Variants in GPR176 observed in about 807,000 individuals in gnomAD.
GPR176 encodes G protein-coupled receptor 176.
A neutral mutation model predicts 35.4 loss-of-function variants in GPR176; 26 were observed. The ratio of observed to expected loss-of-function variants is 0.74; its 90% CI spans 0.54 to 1.02. GPR176 has a LOEUF of 1.02. Among genes scored for constraint, GPR176 ranks in the 50% least tolerant of loss-of-function variants. The pLI, the probability that GPR176 is intolerant of heterozygous loss-of-function variation, is 0.00. For missense variants in GPR176, 597 were observed against 665.3 expected, an observed-to-expected ratio of 0.90 and a Z score of 1.13; for synonymous variants, 278 against 271.3, an observed-to-expected ratio of 1.02 and a Z score of -0.24.
At chr15:39,876,523 T>C (rs900127495) in intron 1 of GPR176, among the ~76,000 whole-genome samples, 1 of 152,092 alleles carries the variant, frequency 6.6e-6, no homozygotes, top group Non-Finnish European at 1.5e-5. Flanking sequence ...GGATATAATG[T>C]TAATGATGTT....
chr15:39,832,801 G>T (rs1227641848), intron 1 of GPR176, among the ~76,000 whole-genome samples: 1 of 152,124 alleles, frequency 6.6e-6, no homozygotes, highest in Non-Finnish European at 1.5e-5. Context: ...GTTTTAGAGG[G>T]TGTCCCTGTT....
intron 1 of GPR176, among the ~76,000 whole-genome samples, chr15:39,851,823 CTT>C (rs752845762): frequency 4.5e-4 from 68 of 152,170 alleles, no homozygotes; most frequent in Non-Finnish European, 6.9e-4. Context: ...CCAGTCATCT[CTT>C]TTGTCTGAGA....
chr15:39,908,023 T>C (rs1056097308), intron 1 of GPR176, among the ~76,000 whole-genome samples: 7 of 152,104 alleles, frequency 4.6e-5, no homozygotes, highest in African/African-American at 1.4e-4. Context: ...AAAATAGATG[T>C]TTAAATAAGA....
intron 1 of GPR176, among the ~76,000 whole-genome samples, chr15:39,857,783 A>G (rs2031323492): frequency 6.6e-6 from 1 of 151,804 alleles, no homozygotes; most frequent in African/African-American, 2.4e-5. Context: ...CCTGCCTAAC[A>G]TGGTGAAACC....
intron 1 of GPR176, among the ~76,000 whole-genome samples, chr15:39,907,204 TAA>T (rs2033446871): frequency 6.6e-6 from 1 of 152,186 alleles, no homozygotes; most frequent in African/African-American, 2.4e-5. Context: ...TAAAGAAACA[TAA>T]AAATAGTTTA....
At chr15:39,919,206 G>C (rs1026214200) in intron 1 of GPR176, among the ~76,000 whole-genome samples, 56 of 151,314 alleles carry the variant, frequency 3.7e-4, no homozygotes, top group African/African-American at 1.3e-3. Context: ...AATCTGGGAT[G>C]TGTGTGTGTG....
In GPR176 at chr15:39,801,636, G is replaced by A. The variant is rs776653222; in HGVS notation, c.1044C>T (p.Val348=). The change falls in exon 3 of 3, where the codon GTC becomes GTT. Residue 348 remains valine (V), a synonymous_variant. Coordinates refer to ENST00000561100, the MANE Select transcript of GPR176 (RefSeq NM_007223.3). ...CCTCAGCCATGCCACTCCCTGTACT[G>A]ACCACATTACGGCGACTGTACCGGT... is the stretch of plus-strand genomic sequence containing the variant. The part of the protein sequence containing the change: ...LHHRYSRRNV[V]STGSGMAEAS... 2 of 1,614,040 alleles carry A rather than the reference G, an allele frequency of 1.2e-6. No individual in the cohort carries two copies. Among genetic ancestry groups the A allele is most frequent in the South Asian group, 2.2e-5 (2 of 91,066 alleles).
intron 1 of GPR176, among the ~76,000 whole-genome samples, chr15:39,889,865 G>A (rs2032809365): frequency 6.6e-6 from 1 of 152,108 alleles, no homozygotes; most frequent in Non-Finnish European, 1.5e-5. Context: ...AGAAAAGCTA[G>A]TCTCAGCATC....
chr15:39,879,567 T>G (rs1420782955), intron 1 of GPR176, among the ~76,000 whole-genome samples: 1 of 152,122 alleles, frequency 6.6e-6, no homozygotes, highest in Non-Finnish European at 1.5e-5. Context: ...CTTACTCCCC[T>G]TTCCTCTCTA....
At chr15:39,914,192 T>C (rs1255394172) in intron 1 of GPR176, among the ~76,000 whole-genome samples, 1 of 152,080 alleles carries the variant, frequency 6.6e-6, no homozygotes, top group Non-Finnish European at 1.5e-5. Flanking sequence ...TTCTATCATA[T>C]AGACATCATA....
chr15:39,850,547 G>A (rs2030788039), intron 1 of GPR176, among the ~76,000 whole-genome samples: 1 of 152,178 alleles, frequency 6.6e-6, no homozygotes. Flanking sequence ...GTGGTTGCTA[G>A]GGGTTAAGGA....
intron 1 of GPR176, among the ~76,000 whole-genome samples, chr15:39,818,270 A>G (rs1900047519): frequency 6.6e-6 from 1 of 152,254 alleles, no homozygotes; most frequent in Admixed American, 6.5e-5. Flanking sequence ...ATGTTATTTT[A>G]GCTACAATTA....
At chr15:39,811,805 A>G (rs982242000) in intron 1 of GPR176, among the ~76,000 whole-genome samples, 7 of 151,848 alleles carry the variant, frequency 4.6e-5, no homozygotes, top group Non-Finnish European at 7.4e-5. Flanking sequence ...AGTCCCAGCT[A>G]CTCAGCAGGC....
chr15:39,877,593 G>A (rs1595500870), intron 1 of GPR176, among the ~76,000 whole-genome samples: 1 of 141,762 alleles, frequency 7.1e-6, no homozygotes, highest in Non-Finnish European at 1.5e-5. Context: ...TTGGAGCCTT[G>A]CTCTGTTGCC....
intron 1 of GPR176, among the ~76,000 whole-genome samples, chr15:39,844,350 C>T (rs146009321): frequency 4.7e-4 from 72 of 152,184 alleles, no homozygotes; most frequent in African/African-American, 1.7e-3. Context: ...TAGTTTCCAA[C>T]CACACATCTG....
chr15:39,812,306 C>T (rs1024992124), intron 1 of GPR176, among the ~76,000 whole-genome samples: 1 of 152,118 alleles, frequency 6.6e-6, no homozygotes, highest in Non-Finnish European at 1.5e-5. Flanking sequence ...TCTAGGTGGC[C>T]ACAATCTAAT....
chr15:39,876,566 T>G (rs964914525), intron 1 of GPR176, among the ~76,000 whole-genome samples: 1 of 152,184 alleles, frequency 6.6e-6, no homozygotes, highest in African/African-American at 2.4e-5. Flanking sequence ...ATTTAATTTC[T>G]ATTGCTATTA....
intron 1 of GPR176, among the ~76,000 whole-genome samples, chr15:39,832,284 GC>G (rs1385769188): frequency 1.3e-5 from 2 of 152,124 alleles, no homozygotes; most frequent in African/African-American, 4.8e-5. Context: ...GCAAAATGGG[GC>G]AGCCGCTTTA....
intron 1 of GPR176, among the ~76,000 whole-genome samples, chr15:39,844,295 C>G (rs1262188566): frequency 6.6e-6 from 1 of 152,018 alleles, no homozygotes; most frequent in Non-Finnish European, 1.5e-5. Context: ...GGGGGTTTGG[C>G]CTAGGAATCT....
Sources: gnomAD v4.1 joint callset for allele counts (sites outside exome capture counted in the v4.1 genomes callset) on GRCh38, gnomAD v4.1.1 for gene constraint, MANE v1.5 for transcripts, NCBI Gene and HGNC (gene_info 2026-07-23, HGNC 2026-07-21) for gene names.